VWA8: variants seen among roughly 807,000 people sequenced by gnomAD.
VWA8 encodes the protein von Willebrand factor A domain containing 8.
A neutral mutation model predicts 241.5 loss-of-function variants in VWA8; 221 were observed. The observed-to-expected ratio is 0.91, with a 90% CI of 0.82 to 1.02. The LOEUF is 1.02. VWA8 is among the 50% of genes least tolerant of loss of function. The probability of loss-of-function intolerance (pLI) is 0.00; values close to 1 mark genes in which losing one functional copy is unlikely to be tolerated. For synonymous variants in VWA8, 852 were observed against 827.1 expected, an observed-to-expected ratio of 1.03 and a Z score of -0.52; for missense variants, 2,322 against 2,328.7, an observed-to-expected ratio of 1.00 and a Z score of 0.06.
intron 34 of VWA8, among the ~76,000 whole-genome samples, chr13:41,687,869 A>C (rs1566415288): frequency 6.6e-6 from 1 of 152,156 alleles, no homozygotes; most frequent in Non-Finnish European, 1.5e-5. Flanking sequence ...CTAGTGTTAC[A>C]GGCTATAAGA....
At chr13:41,568,867 T>C (rs1382258861) in intron 44 of VWA8, among the ~76,000 whole-genome samples, 1 of 152,264 alleles carries the variant, frequency 6.6e-6, no homozygotes, top group Non-Finnish European at 1.5e-5. Context: ...ACTGAGGTTA[T>C]ACAGGCTTAT....
chr13:41,752,482 G>A (rs534507371), intron 21 of VWA8, among the ~76,000 whole-genome samples: 19 of 152,204 alleles, frequency 1.2e-4, no homozygotes, highest in African/African-American at 3.9e-4. Context: ...TCATCTATAC[G>A]TCATCCAGTG....
At position 41,614,968 on chromosome 13, in the gene VWA8, C is replaced by T; in HGVS notation, c.4720+8G>A. ...AGGCTGACTCAGGAGAATGCCTGTG[C>T]TACCAACCTGTTCCGCCAGCCCAAG... On this transcript the variant is annotated splice_region_variant and intron_variant, in intron 38 of 44. Coordinates refer to ENST00000379310, the MANE Select transcript of VWA8 (RefSeq NM_015058.2). The T allele has an allele frequency of 6.2e-7, 1 of 1,612,634 alleles. No individual in the cohort carries two copies. Among genetic ancestry groups the T allele is most frequent in the Non-Finnish European group, 8.5e-7 (1 of 1,179,818 alleles).
intron 2 of VWA8, chr13:41,926,828 T>C: frequency 1.8e-6 from 1 of 564,276 alleles, no homozygotes; most frequent in East Asian, 4.7e-5. Flanking sequence ...TCTTTGAAAC[T>C]GATGAAACTT....
chr13:41,907,547 G>A (rs765922474), intron 4 of VWA8, 39 bp downstream of exon 4: 3 of 1,553,826 alleles, frequency 1.9e-6, no homozygotes, highest in East Asian at 4.5e-5. Flanking sequence ...GTATAGACCT[G>A]GAGTACACAG....
intron 39 of VWA8, among the ~76,000 whole-genome samples, chr13:41,610,847 TA>T (rs2044582953): frequency 6.6e-6 from 1 of 152,172 alleles, no homozygotes; most frequent in African/African-American, 2.4e-5. Context: ...TCTTATTTTT[TA>T]AATGGCTCCT....
intron 2 of VWA8, among the ~76,000 whole-genome samples, chr13:41,928,836 G>A (rs7326009): frequency 0.81 from 121,950 of 149,942 alleles, 50,307 homozygotes; most frequent in East Asian, 1. Context: ...TTGTTTAAGG[G>A]AAAAAAAAAA....
chr13:41,688,483 T>C (rs527384856), intron 34 of VWA8, among the ~76,000 whole-genome samples: 2 of 152,142 alleles, frequency 1.3e-5, no homozygotes, highest in Non-Finnish European at 2.9e-5. Flanking sequence ...CAGAGGAAGA[T>C]GTCGCCCAGT....
At chr13:41,798,789 T>C (rs2137957847) in intron 17 of VWA8, among the ~76,000 whole-genome samples, 1 of 152,276 alleles carries the variant, frequency 6.6e-6, no homozygotes, top group East Asian at 1.9e-4. Context: ...GATTTTCTTA[T>C]CTTATTCTAC....
chr13:41,696,082 T>C (rs950333519), intron 29 of VWA8: 1 of 152,158 alleles, frequency 6.6e-6, no homozygotes, highest in African/African-American at 2.4e-5. Context: ...TTATGACACA[T>C]TGTTTTGGTT....
chr13:41,881,372 C>G (rs78624695), intron 9 of VWA8, among the ~76,000 whole-genome samples: 1,034 of 7,980 alleles, frequency 0.13, 20 homozygotes, highest in Middle Eastern at 0.3. Context: ...TTTTTTTTGC[C>G]GGGGGGGGGG....
chr13:41,754,827 G>A (rs2045682367), intron 21 of VWA8, among the ~76,000 whole-genome samples: 1 of 151,932 alleles, frequency 6.6e-6, no homozygotes, highest in African/African-American at 2.4e-5. Context: ...TTAATTTTTA[G>A]CTCTTACAAA....
At chr13:41,583,716 A>G (rs952008848) in intron 42 of VWA8, among the ~76,000 whole-genome samples, 1 of 151,940 alleles carries the variant, frequency 6.6e-6, no homozygotes, top group Non-Finnish European at 1.5e-5. Flanking sequence ...TGAGAGGGTC[A>G]TAAGAGTGAC....
intron 9 of VWA8, among the ~76,000 whole-genome samples, chr13:41,881,688 G>A (rs1295532411): frequency 2.0e-5 from 3 of 148,424 alleles, no homozygotes; most frequent in Non-Finnish European, 4.5e-5. Flanking sequence ...GGGCAGAGGC[G>A]CCCCTCACCT....
chr13:41,937,197 C>A (rs986436551), intron 2 of VWA8, among the ~76,000 whole-genome samples: 7 of 152,122 alleles, frequency 4.6e-5, no homozygotes, highest in Non-Finnish European at 1.0e-4. Flanking sequence ...GATAATTTTT[C>A]CACAGACTGG....
intron 29 of VWA8, 70 bp from the exon 30 acceptor site, chr13:41,693,042 T>G (rs2045190649): frequency 9.5e-6 from 10 of 1,052,994 alleles, no homozygotes; most frequent in Non-Finnish European, 1.4e-5. Context: ...AGCAGCAACC[T>G]CTTGGCAACC....
chr13:41,866,394 T>C (rs9525548), intron 10 of VWA8, among the ~76,000 whole-genome samples: 42 of 125,612 alleles, frequency 3.3e-4, no homozygotes, highest in Middle Eastern at 4.2e-3. Context: ...TGTGTGCGCG[T>C]GTGTGTGTGT....
intron 2 of VWA8, among the ~76,000 whole-genome samples, chr13:41,945,654 A>G (rs1381312237): frequency 1.3e-5 from 2 of 152,190 alleles, no homozygotes; most frequent in African/African-American, 4.8e-5. Flanking sequence ...GCTCAACAAC[A>G]GATGTGAGCA....
chr13:41,596,098 T>C (rs1341398422), intron 40 of VWA8, among the ~76,000 whole-genome samples: 1 of 152,158 alleles, frequency 6.6e-6, no homozygotes, highest in East Asian at 1.9e-4. Flanking sequence ...TGCTTGTCAT[T>C]GATATTTTTA....
Sources: allele counts gnomAD v4.1 joint callset (sites outside exome capture counted in the v4.1 genomes callset), GRCh38; gene constraint gnomAD v4.1.1; transcripts MANE v1.5; gene names NCBI Gene and HGNC (gene_info 2026-07-23, HGNC 2026-07-21).